Variants in MAP2 observed in about 807,000 individuals in gnomAD.
The protein encoded by MAP2 is microtubule associated protein 2.
In MAP2, 14 loss-of-function variants were observed where a neutral mutation model predicts 137.6. The ratio of observed to expected loss-of-function variants is 0.10; its 90% CI spans 0.07 to 0.16. The LOEUF is 0.16. Ranked by LOEUF, MAP2 falls within the 10% of genes least tolerant of loss-of-function variation. MAP2 has a pLI of 1.00. For missense variants in MAP2, 2,088 were observed against 2,191.5 expected, an observed-to-expected ratio of 0.95 and a Z score of 0.94; for synonymous variants, 786 against 782.3, an observed-to-expected ratio of 1.00 and a Z score of -0.08.
chr2:209,571,034 T>A (rs901441199), intron 2 of MAP2, among the ~76,000 whole-genome samples: 1 of 151,990 alleles, frequency 6.6e-6, no homozygotes, highest in Non-Finnish European at 1.5e-5. Context: ...TAAAAGCCAA[T>A]GTAAAACATA....
rs138361232 is a variant in MAP2, at chr2:209,528,023, T to A, written c.-172+20382T>A. Among the ~76,000 whole-genome samples the A allele has an allele frequency of 2.4e-3, 362 of 152,296 alleles. 1 individual carries two copies. Among genetic ancestry groups the A allele is most frequent in the African/African-American group, 8.3e-3 (344 of 41,564 alleles). On this transcript the variant is annotated intron_variant, in intron 2 of 15. Coordinates refer to ENST00000682079, the MANE Select transcript of MAP2 (RefSeq NM_001375505.1). ...TCTAAATTAATGCAGGGGCTTAACA[T>A]TTATTTATTAAATTATGGGCATGGT... is the stretch of plus-strand genomic sequence containing the variant.
At chr2:209,616,268 A>G (rs1559415812) in intron 3 of MAP2, among the ~76,000 whole-genome samples, 2 of 152,342 alleles carry the variant, frequency 1.3e-5, no homozygotes, top group East Asian at 3.9e-4. Flanking sequence ...CAAAGTGATC[A>G]AGAAGAAAAA....
chr2:209,498,908 C>G (rs1328589382), intron 1 of MAP2, among the ~76,000 whole-genome samples: 1 of 152,136 alleles, frequency 6.6e-6, no homozygotes, highest in Non-Finnish European at 1.5e-5. Flanking sequence ...GCCTTCAAGG[C>G]CTTTTTCCCA....
chr2:209,678,541 T>G (rs1243361539), intron 5 of MAP2, 31 bp from the exon 6 acceptor site: 6 of 1,146,920 alleles, frequency 5.2e-6, no homozygotes, highest in Non-Finnish European at 7.5e-6. Flanking sequence ...CTTCTCATCG[T>G]TATATTTTAT....
chr2:209,431,611 G>C (rs546003107), intron 1 of MAP2, among the ~76,000 whole-genome samples: 4 of 152,242 alleles, frequency 2.6e-5, no homozygotes, highest in Admixed American at 2.0e-4. Flanking sequence ...CCATTTAAGT[G>C]ACTTTCCTTA....
At position 209,693,753 on chromosome 2, in the gene MAP2, T is replaced by C; in HGVS notation, c.1583T>C (p.Ile528Thr). The C allele has an allele frequency of 6.2e-7, 1 of 1,613,688 alleles. No individual in the cohort carries two copies. Among genetic ancestry groups the C allele is most frequent in the Non-Finnish European group, 8.5e-7 (1 of 1,179,910 alleles). Residue 528 changes from isoleucine to threonine, a missense_variant, in exon 8 of 16, where the codon ATT (isoleucine) becomes ACT (threonine). Coordinates refer to ENST00000682079, the MANE Select transcript of MAP2 (RefSeq NM_001375505.1). ...EKAMTEPSAL[I>T]EKSSIQELFE... Reference sequence around the variant, plus strand: ...GCCATGACCGAACCATCTGCATTAATTGAAAAGAGCTCAATTCAGGAACTT... The same window carrying C: ...GCCATGACCGAACCATCTGCATTAACTGAAAAGAGCTCAATTCAGGAACTT...
intron 3 of MAP2, among the ~76,000 whole-genome samples, chr2:209,622,082 A>G (rs1443477667): frequency 6.6e-6 from 1 of 152,184 alleles, no homozygotes; most frequent in Non-Finnish European, 1.5e-5. Flanking sequence ...GTAAGTCATG[A>G]TTCTCAACAG....
At position 209,447,511 on chromosome 2, in the gene MAP2, C is replaced by G. The variant is rs540737073; in HGVS notation, c.-222+23235C>G. Reference sequence around the variant, plus strand: ...GCATCTTGGTAGCAACTCTCTCATTCATATGGAGAAATTCTTACTAAAAAT... The same window carrying G: ...GCATCTTGGTAGCAACTCTCTCATTGATATGGAGAAATTCTTACTAAAAAT... On this transcript the variant is annotated intron_variant, in intron 1 of 15. Coordinates refer to ENST00000682079, the MANE Select transcript of MAP2 (RefSeq NM_001375505.1). Among the ~76,000 whole-genome samples the G allele has an allele frequency of 1.1e-4, 16 of 152,084 alleles. No homozygotes were observed. The South Asian group carries it at 3.1e-3, about 30-fold the overall frequency.
chr2:209,645,549 A>G (rs967682798), intron 4 of MAP2, among the ~76,000 whole-genome samples: 4 of 152,140 alleles, frequency 2.6e-5, no homozygotes, highest in African/African-American at 9.7e-5. Flanking sequence ...AAAATATTAC[A>G]TTTTTATGAG....
chr2:209,720,576 T>C (rs1176474028), intron 13 of MAP2, among the ~76,000 whole-genome samples: 1 of 147,928 alleles, frequency 6.8e-6, no homozygotes, highest in Admixed American at 6.9e-5. Context: ...GAGGCGGAGC[T>C]TGCAGTGAGC....
At chr2:209,567,008 C>T (rs2073573438) in intron 2 of MAP2, among the ~76,000 whole-genome samples, 2 of 152,208 alleles carry the variant, frequency 1.3e-5, no homozygotes, top group South Asian at 4.1e-4. Context: ...CATCTATATG[C>T]GTATAAGCAT....
intron 2 of MAP2, among the ~76,000 whole-genome samples, chr2:209,574,340 A>G (rs2074941571): frequency 6.6e-6 from 1 of 152,010 alleles, no homozygotes; most frequent in Non-Finnish European, 1.5e-5. Flanking sequence ...TTCTGTGTCT[A>G]ATGTACTACA....
intron 1 of MAP2, among the ~76,000 whole-genome samples, chr2:209,496,364 C>T (rs761162976): frequency 1.3e-5 from 2 of 152,122 alleles, no homozygotes; most frequent in Non-Finnish European, 2.9e-5. Context: ...TTATATCTAC[C>T]TGTCAAGGCA....
At position 209,484,563 on chromosome 2, in the gene MAP2, G is replaced by A. The variant is rs182673244; in HGVS notation, c.-221-23029G>A. Among the ~76,000 whole-genome samples, 15 of 152,222 alleles carry A rather than the reference G, an allele frequency of 9.9e-5. 1 individual carries two copies. The highest frequency in any genetic ancestry group is 5.9e-4 in the Admixed American group (9 of 15,286). ...ACATTAGTCTGGCGTGGTTGCAGGC[G>A]CCTGTATTCCCAGCTACTCGGGAGG... On this transcript the variant is annotated intron_variant, in intron 1 of 15. Coordinates refer to ENST00000682079, the MANE Select transcript of MAP2 (RefSeq NM_001375505.1).
In MAP2 at chr2:209,693,693, C is replaced by G; in HGVS notation, c.1523C>G (p.Thr508Arg). 1 of 1,613,582 alleles carries G rather than the reference C, an allele frequency of 6.2e-7. No individual in the cohort carries two copies. Among genetic ancestry groups the G allele is most frequent in the Non-Finnish European group, 8.5e-7 (1 of 1,179,932 alleles). Residue 508 changes from threonine (T) to arginine (R), a missense_variant, in exon 8 of 16, where the codon ACA (threonine) becomes AGA (arginine). Physicochemically the swap from Thr to Arg is moderately conservative, Grantham distance 71 (BLOSUM62 -1). Coordinates refer to ENST00000682079, the MANE Select transcript of MAP2 (RefSeq NM_001375505.1). ...CCTGTAAGTTTGGAGCAAGCAGTTACAGATTCAGCCATGACCTCTAAAACA... is the reference window on the plus strand; with the variant it reads ...CCTGTAAGTTTGGAGCAAGCAGTTAGAGATTCAGCCATGACCTCTAAAACA... ...SFPVSLEQAV[T>R]DSAMTSKTLE... is the part of the protein sequence containing the mutation.
chr2:209,571,435 T>C lies in MAP2; in HGVS notation c.-171-8601T>C, dbSNP rs532456775. On this transcript the variant is annotated intron_variant, in intron 2 of 15. Transcript: ENST00000682079. ...TAGTTTTATCTGCTCTGGAAGTTCA[T>C]ATATTATTCCATATATTTAGTTTAG... Among the ~76,000 whole-genome samples the C allele has an allele frequency of 5.3e-5, 8 of 152,152 alleles. No individual in the cohort carries two copies. The East Asian group carries it at 1.3e-3, about 26-fold the overall frequency.
chr2:209,667,440 G>A (rs1234410353), intron 5 of MAP2, among the ~76,000 whole-genome samples: 2 of 151,866 alleles, frequency 1.3e-5, no homozygotes, highest in Non-Finnish European at 1.5e-5. Flanking sequence ...GGAAAGGAAA[G>A]GAATCTGAGA....
At chr2:209,448,902 T>C (rs1401991692) in intron 1 of MAP2, among the ~76,000 whole-genome samples, 2 of 152,202 alleles carry the variant, frequency 1.3e-5, no homozygotes, top group African/African-American at 4.8e-5. Context: ...GGGCCACCAT[T>C]TAACCACCAT....
intron 3 of MAP2, among the ~76,000 whole-genome samples, chr2:209,582,465 C>G (rs914090302): frequency 6.6e-6 from 1 of 152,030 alleles, no homozygotes; most frequent in Non-Finnish European, 1.5e-5. Flanking sequence ...TGCTTATGGA[C>G]GCTTCCTAAA....
Sources: allele counts gnomAD v4.1 joint callset (sites outside exome capture counted in the v4.1 genomes callset), GRCh38; gene constraint gnomAD v4.1.1; transcripts MANE v1.5; gene names NCBI Gene and HGNC (gene_info 2026-07-23, HGNC 2026-07-21).